The following CACUL1 variants were observed in gnomAD, a reference collection of about 807,000 sequenced individuals.
CACUL1 encodes CDK2 associated cullin domain 1, also known as CDK2-associated and cullin domain-containing protein 1.
In CACUL1, 13 loss-of-function variants were observed where a neutral mutation model predicts 45.2. The observed-to-expected ratio is 0.29, with a 90% CI of 0.19 to 0.46. The LOEUF (loss-of-function observed/expected upper bound fraction) is 0.46. CACUL1 is among the 20% of genes least tolerant of loss of function. CACUL1 has a pLI of 1.00. For synonymous variants in CACUL1, 197 were observed against 174.2 expected, an observed-to-expected ratio of 1.13 and a Z score of -1.03; for missense variants, 421 against 471.4, an observed-to-expected ratio of 0.89 and a Z score of 0.99.
At chr10:118,723,264 TAC>T (rs1845618328) in intron 3 of CACUL1, among the ~76,000 whole-genome samples, 1 of 152,232 alleles carries the variant, frequency 6.6e-6, no homozygotes, top group Non-Finnish European at 1.5e-5. Context: ...GTTTTTTTAC[TAC>T]AGACTGTATC....
chr10:118,734,239 T>C (rs933169594), intron 1 of CACUL1, among the ~76,000 whole-genome samples: 1 of 152,146 alleles, frequency 6.6e-6, no homozygotes, highest in African/African-American at 2.4e-5. Flanking sequence ...AAGGAGGAAA[T>C]AAAAATCACT....
At chr10:118,704,481 C>T (rs901379932) in intron 4 of CACUL1, among the ~76,000 whole-genome samples, 15 of 152,304 alleles carry the variant, frequency 9.8e-5, no homozygotes, top group African/African-American at 3.4e-4. Context: ...AGCCCACCTC[C>T]AGGCCCAAGA....
At chr10:118,724,335 G>A (rs1845631475) in intron 3 of CACUL1, among the ~76,000 whole-genome samples, 1 of 152,110 alleles carries the variant, frequency 6.6e-6, no homozygotes, top group South Asian at 2.1e-4. Context: ...TCTTCTCTTA[G>A]ATCCTGGCCC....
At chr10:118,724,547 A>C (rs1276040288) in intron 3 of CACUL1, among the ~76,000 whole-genome samples, 1 of 152,216 alleles carries the variant, frequency 6.6e-6, no homozygotes, top group Non-Finnish European at 1.5e-5. Context: ...CGGACCAAAA[A>C]ATCAGCTGTG....
chr10:118,690,379 T>G (rs981219502), intron 7 of CACUL1, among the ~76,000 whole-genome samples: 1 of 151,620 alleles, frequency 6.6e-6, no homozygotes, highest in Admixed American at 6.6e-5. Flanking sequence ...CTTAAATGAT[T>G]TGCTGATACA....
intron 3 of CACUL1, among the ~76,000 whole-genome samples, chr10:118,725,167 T>C (rs1845640336): frequency 6.6e-6 from 1 of 152,200 alleles, no homozygotes; most frequent in South Asian, 2.1e-4. Context: ...AACTTCGTTA[T>C]TACTTTTAAA....
chr10:118,753,517 ACCACCG>A (rs1845919308), intron 1 of CACUL1, among the ~76,000 whole-genome samples: 1 of 152,238 alleles, frequency 6.6e-6, no homozygotes, highest in South Asian at 2.1e-4. Flanking sequence ...TATCACCACC[ACCACCG>A]CCACGCACAC....
In CACUL1 at chr10:118,701,412, AAAAAT is replaced by A. The variant is rs1168206181; in HGVS notation, c.694-9_694-5del. The stretch of plus-strand genomic sequence containing the variant: ...TGGTTTCGATGTAAAACTTATTCTG[AAAAAT>A]AAAATAAAATCTTTTTTTGTGTATT... On this transcript the variant is annotated splice_region_variant and splice_polypyrimidine_tract_variant and intron_variant, in intron 4 of 8. Coordinates refer to ENST00000369151, the MANE Select transcript of CACUL1 (RefSeq NM_153810.5). 1.3e-5 allele frequency: 19 copies of A among 1,484,966 alleles called. No homozygotes were observed. Among genetic ancestry groups the A allele is most frequent in the African/African-American group, 4.2e-5 (3 of 72,126 alleles). 92.0% of individuals were successfully genotyped at this position (1,484,966 alleles called of 1,614,324 possible).
At chr10:118,750,858 T>C (rs1297800946) in intron 1 of CACUL1, among the ~76,000 whole-genome samples, 8 of 152,226 alleles carry the variant, frequency 5.3e-5, no homozygotes, top group Non-Finnish European at 1.5e-5. Flanking sequence ...TGTGGGTATA[T>C]AGTAGGCATA....
At chr10:118,747,949 G>C (rs1372468865) in intron 1 of CACUL1, among the ~76,000 whole-genome samples, 1 of 152,136 alleles carries the variant, frequency 6.6e-6, no homozygotes, top group East Asian at 1.9e-4. Flanking sequence ...GCTAGGTGTG[G>C]TGGTGTGTGC....
At chr10:118,736,079 G>T (rs1180901129) in intron 1 of CACUL1, among the ~76,000 whole-genome samples, 4 of 152,210 alleles carry the variant, frequency 2.6e-5, no homozygotes, top group Non-Finnish European at 5.9e-5. Flanking sequence ...AGCACAGGGG[G>T]ACGACTGAAC....
At chr10:118,719,088 G>A (rs1425302058) in intron 3 of CACUL1, among the ~76,000 whole-genome samples, 1 of 152,164 alleles carries the variant, frequency 6.6e-6, no homozygotes, top group Non-Finnish European at 1.5e-5. Flanking sequence ...ATTAATATAT[G>A]CAATGACCTA....
At position 118,686,654 on chromosome 10, in the gene CACUL1, A is replaced by AG. The variant is rs779360625; in HGVS notation, c.1026-14dup. The AG allele has an allele frequency of 1.2e-6, 2 of 1,609,304 alleles. No homozygotes were observed. The highest frequency in any genetic ancestry group is 1.7e-6 in the Non-Finnish European group (2 of 1,175,562). The stretch of plus-strand genomic sequence containing the variant: ...GGACTGGTCACCCCTGGGGATAAGA[A>AG]GAGGCAGTCAACAAAACTGACTTCA... On this transcript the variant is annotated splice_polypyrimidine_tract_variant and intron_variant, in intron 7 of 8. Transcript: ENST00000369151.
At position 118,710,005 on chromosome 10, in the gene CACUL1, A is replaced by G. The variant is rs533871498; in HGVS notation, c.598-2418T>C. ...ACTGCAGCCTCCACCTCCCAGGCTCAATTGATCAATTCTCCCAACTCAGCC... is the reference window on the plus strand; with the variant it reads ...ACTGCAGCCTCCACCTCCCAGGCTCGATTGATCAATTCTCCCAACTCAGCC... On this transcript the variant is annotated intron_variant, in intron 3 of 8. Transcript: ENST00000369151. Among the ~76,000 whole-genome samples the G allele has an allele frequency of 2.0e-5, 3 of 151,830 alleles. No individual in the cohort carries two copies. The South Asian group carries it at 6.3e-4, about 32-fold the overall frequency.
intron 1 of CACUL1, among the ~76,000 whole-genome samples, chr10:118,731,393 CCA>C (rs2119643902): frequency 6.6e-6 from 1 of 152,310 alleles, no homozygotes; most frequent in Admixed American, 6.5e-5. Context: ...TTATCGATTT[CCA>C]CACCTTAGTC....
rs1845199448 is a variant in CACUL1, at chr10:118,685,878, G to T, written c.*250C>A. 1 of 316,408 alleles carries T rather than the reference G, an allele frequency of 3.2e-6. No individual in the cohort carries two copies. The highest frequency in any genetic ancestry group is 4.9e-5 in the Admixed American group (1 of 20,484). The allele number at this position is 316,408 out of a possible 1,614,324, so 19.6% of individuals were successfully genotyped here. On this transcript the variant is annotated 3_prime_UTR_variant, in exon 9 of 9. Transcript: ENST00000369151. ...CTTTCTGAGATGCTTTTTCCTCACAGAATCTGTAGATAAACTCATTAAAAG... is the reference window on the plus strand; with the variant it reads ...CTTTCTGAGATGCTTTTTCCTCACATAATCTGTAGATAAACTCATTAAAAG...
intron 3 of CACUL1, 21 bp downstream of exon 3, chr10:118,729,274 T>C: frequency 1.3e-6 from 2 of 1,578,268 alleles, no homozygotes; most frequent in Non-Finnish European, 1.7e-6. Flanking sequence ...GAAGCAAAAA[T>C]CAATACAATC....
intron 1 of CACUL1, among the ~76,000 whole-genome samples, chr10:118,731,352 A>T (rs965431636): frequency 3.9e-5 from 6 of 152,224 alleles, no homozygotes; most frequent in African/African-American, 1.4e-4. Context: ...TACCAGGTAA[A>T]GCAAAGCCTT....
intron 3 of CACUL1, among the ~76,000 whole-genome samples, chr10:118,728,529 T>C (rs1456024004): frequency 1.3e-5 from 2 of 152,098 alleles, no homozygotes; most frequent in African/African-American, 2.4e-5. Flanking sequence ...GACTTCGTGA[T>C]CTACCTGTCT....
Sources: gnomAD v4.1 joint callset for allele counts (sites outside exome capture counted in the v4.1 genomes callset) on GRCh38, gnomAD v4.1.1 for gene constraint, MANE v1.5 for transcripts, NCBI Gene and HGNC (gene_info 2026-07-23, HGNC 2026-07-21) for gene names.